The following TSHZ2 variants were observed in gnomAD, a reference collection of about 807,000 sequenced individuals.
The protein encoded by TSHZ2 is teashirt homolog 2.
A neutral mutation model predicts 74.4 loss-of-function variants in TSHZ2; 21 were observed. The observed-to-expected ratio is 0.28, with a 90% CI of 0.20 to 0.41. The LOEUF is 0.41. Ranked by LOEUF, TSHZ2 falls within the 10% of genes least tolerant of loss-of-function variation. The probability of loss-of-function intolerance (pLI) is 1.00; values close to 1 mark genes in which losing one functional copy is unlikely to be tolerated. For missense variants in TSHZ2, 1,244 were observed against 1,293.5 expected, an observed-to-expected ratio of 0.96 and a Z score of 0.59; for synonymous variants, 540 against 515.3, an observed-to-expected ratio of 1.05 and a Z score of -0.65.
chr20:53,389,811 G>T (rs61483110), intron 2 of TSHZ2, among the ~76,000 whole-genome samples: 23 of 152,206 alleles, frequency 1.5e-4, no homozygotes, highest in African/African-American at 5.5e-4. Context: ...GTAGAGGCCA[G>T]GAAAGCTGCT....
intron 2 of TSHZ2, among the ~76,000 whole-genome samples, chr20:53,312,382 TCA>T (rs1039558874): frequency 1.3e-5 from 2 of 152,110 alleles, no homozygotes; most frequent in African/African-American, 4.8e-5. Context: ...TGACGATATG[TCA>T]CACACACACC....
At chr20:53,382,374 C>T (rs532942150) in intron 2 of TSHZ2, among the ~76,000 whole-genome samples, 2 of 152,248 alleles carry the variant, frequency 1.3e-5, no homozygotes, top group South Asian at 2.1e-4. Flanking sequence ...CCCAAAGTTC[C>T]ATTCCTCTGC....
chr20:53,363,225 G>T (rs1012013420), intron 2 of TSHZ2, among the ~76,000 whole-genome samples: 7 of 152,190 alleles, frequency 4.6e-5, no homozygotes, highest in African/African-American at 1.4e-4. Flanking sequence ...TTCCTATCTT[G>T]CTATACCATC....
At chr20:53,015,012 C>T (rs770914634) in intron 1 of TSHZ2, among the ~76,000 whole-genome samples, 5 of 152,182 alleles carry the variant, frequency 3.3e-5, no homozygotes, top group African/African-American at 9.7e-5. Flanking sequence ...TGTGGAATAG[C>T]GCCATTCCCT....
intron 1 of TSHZ2, among the ~76,000 whole-genome samples, chr20:53,141,723 G>T (rs1235698514): frequency 6.6e-6 from 1 of 152,196 alleles, no homozygotes; most frequent in Non-Finnish European, 1.5e-5. Flanking sequence ...ACTGTTTCCT[G>T]CAATCCCCTC....
At chr20:53,316,196 C>A (rs538334028) in intron 2 of TSHZ2, among the ~76,000 whole-genome samples, 11 of 152,270 alleles carry the variant, frequency 7.2e-5, no homozygotes, top group Non-Finnish European at 1.5e-4. Context: ...CCTCAGTCAT[C>A]CCCACTCACA....
chr20:53,128,030 G>T (rs1327611256), intron 1 of TSHZ2, among the ~76,000 whole-genome samples: 1 of 152,044 alleles, frequency 6.6e-6, no homozygotes, highest in Non-Finnish European at 1.5e-5. Flanking sequence ...GCTGTTTTTG[G>T]CTGGTCACTT....
chr20:53,421,998 T>C (rs1983492719), intron 2 of TSHZ2, among the ~76,000 whole-genome samples: 1 of 152,094 alleles, frequency 6.6e-6, no homozygotes, highest in African/African-American at 2.4e-5. Context: ...TGTTTTATCT[T>C]AACCAGCAGA....
intron 1 of TSHZ2, among the ~76,000 whole-genome samples, chr20:53,069,299 AGATGGGCCCTACT>A (rs1985093322): frequency 6.6e-6 from 1 of 152,118 alleles, no homozygotes; most frequent in African/African-American, 2.4e-5. Flanking sequence ...GTAGGGGGCA[AGATGGGCCCTACT>A]GAAGACTGCT....
chr20:53,070,566 GAA>G lies in TSHZ2; in HGVS notation c.40+97236_40+97237del, dbSNP rs1424936828. On this transcript the variant is annotated intron_variant, in intron 1 of 2. Transcript: ENST00000371497. ...AAATGCTTTGGGGTCAGGCCTCTGC[GAA>G]AAGAGTAATTCACAAGTCAATACAT... Among the ~76,000 whole-genome samples the G allele has an allele frequency of 9.2e-5, 14 of 152,262 alleles. No individual in the cohort carries two copies. The East Asian group carries it at 1.7e-3, about 19-fold the overall frequency.
intron 2 of TSHZ2, among the ~76,000 whole-genome samples, chr20:53,452,847 C>T (rs923259471): frequency 3.9e-5 from 6 of 152,120 alleles, no homozygotes; most frequent in East Asian, 1.9e-4. Context: ...TCTCAAGGAA[C>T]GTTTAGTGTT....
chr20:53,350,497 A>C (rs575414029), intron 2 of TSHZ2, among the ~76,000 whole-genome samples: 2 of 152,330 alleles, frequency 1.3e-5, no homozygotes, highest in East Asian at 3.9e-4. Flanking sequence ...GTCTAACCCC[A>C]AACACATGTC....
intron 2 of TSHZ2, among the ~76,000 whole-genome samples, chr20:53,284,541 A>G (rs997747550): frequency 6.6e-6 from 1 of 152,234 alleles, no homozygotes; most frequent in Non-Finnish European, 1.5e-5. Context: ...ATGGGATAAT[A>G]CGCATTAACA....
chr20:53,184,149 A>G lies in TSHZ2; in HGVS notation c.41-69350A>G, dbSNP rs1988546742. On this transcript the variant is annotated intron_variant, in intron 1 of 2. Coordinates refer to ENST00000371497, the MANE Select transcript of TSHZ2 (RefSeq NM_173485.6). ...TTGTGGGACTGTGGCTTTGCAACAC[A>G]GCATCATCAAATAAATCATCTTTCC... Among the ~76,000 whole-genome samples the G allele has an allele frequency of 2.0e-5, 3 of 152,212 alleles. No individual in the cohort carries two copies. The South Asian group carries it at 6.2e-4, about 32-fold the overall frequency.
At chr20:53,459,169 G>A (rs117778684) in intron 2 of TSHZ2, among the ~76,000 whole-genome samples, 108 of 152,258 alleles carry the variant, frequency 7.1e-4, no homozygotes, top group East Asian at 2.3e-3. Flanking sequence ...TTAAAGACTC[G>A]CATTATTAAC....
At chr20:53,249,940 T>C (rs1990289095) in intron 1 of TSHZ2, among the ~76,000 whole-genome samples, 1 of 152,210 alleles carries the variant, frequency 6.6e-6, no homozygotes. Flanking sequence ...AGGAAGCTCA[T>C]TGTCCAACCT....
At chr20:53,092,495 A>G (rs1390232697) in intron 1 of TSHZ2, among the ~76,000 whole-genome samples, 1 of 152,210 alleles carries the variant, frequency 6.6e-6, no homozygotes, top group Admixed American at 6.5e-5. Context: ...CAAACACGGC[A>G]TTACTTGTGG....
intron 2 of TSHZ2, among the ~76,000 whole-genome samples, chr20:53,450,677 C>G (rs771673913): frequency 3.9e-5 from 6 of 152,122 alleles, no homozygotes; most frequent in Non-Finnish European, 8.8e-5. Flanking sequence ...GCATGTGCCA[C>G]CATACCTGGC....
Position 53,254,013 on chromosome 20 carries a change from C to T in TSHZ2, c.555C>T (p.Ser185=), listed in dbSNP as rs772396754. 7 of 1,614,100 alleles carry T rather than the reference C, an allele frequency of 4.3e-6. No individual in the cohort carries two copies. Among genetic ancestry groups the T allele is most frequent in the Non-Finnish European group, 5.1e-6 (6 of 1,180,016 alleles). The change falls in exon 2 of 3, where the codon TCC becomes TCT. Residue 185 remains serine (S), a synonymous_variant. Transcript: ENST00000371497. Reference sequence around the variant, plus strand: ...TGCAGCAGAACTTGCCTTCTCGGTCCGTCTCGAAACCCAGCCTGTTCAGCT... The same window carrying T: ...TGCAGCAGAACTTGCCTTCTCGGTCTGTCTCGAAACCCAGCCTGTTCAGCT... ...KSLQQNLPSR[S]VSKPSLFSSV... is the part of the protein sequence containing the mutation.
Sources: gnomAD v4.1 joint callset for allele counts (sites outside exome capture counted in the v4.1 genomes callset) on GRCh38, gnomAD v4.1.1 for gene constraint, MANE v1.5 for transcripts, NCBI Gene and HGNC (gene_info 2026-07-23, HGNC 2026-07-21) for gene names.